LINGO2: variants seen among roughly 807,000 people sequenced by gnomAD.
LINGO2 encodes leucine rich repeat and Ig domain containing 2.
In LINGO2, 14 loss-of-function variants were observed where a neutral mutation model predicts 30.6. The observed-to-expected ratio is 0.46, with a 90% CI of 0.30 to 0.72. The LOEUF is 0.72. LINGO2 is among the 30% of genes least tolerant of loss of function. The pLI, the probability that LINGO2 is intolerant of heterozygous loss-of-function variation, is 0.07. For synonymous variants in LINGO2, 317 were observed against 288.5 expected, an observed-to-expected ratio of 1.10 and a Z score of -1.00; for missense variants, 729 against 751.7, an observed-to-expected ratio of 0.97 and a Z score of 0.35.
chr9:28,803,555 T>C, the LINGO2 span, among the ~76,000 whole-genome samples: 1 of 151,880 alleles, frequency 6.6e-6, no homozygotes, highest in South Asian at 2.1e-4. Flanking sequence ...AACAAAAGCA[T>C]ACTATCAACT....
Position 28,147,456 on chromosome 9 carries a change from T to C in LINGO2, c.-86-135051A>G, listed in dbSNP as rs1465885981. On this transcript the variant is annotated intron_variant, in intron 4 of 5. Transcript: ENST00000379992. This position sits in a 1 kb window ranked among gnomAD's most constrained non-coding sequence, Gnocchi z 4.7. ...CCTGTGGAGCGAGGCTGGTGGCCCT[T>C]GAGGCCACGGCAGCCATGGAGAAGG... is the stretch of plus-strand genomic sequence containing the variant. 6.6e-6 allele frequency among the ~76,000 whole-genome samples: 1 copy of C among 152,192 alleles called. No individual in the cohort carries two copies. The highest frequency in any genetic ancestry group is 1.9e-4 in the East Asian group (1 of 5,180).
intron 2 of LINGO2, among the ~76,000 whole-genome samples, chr9:28,411,129 A>T (rs1322498684): frequency 6.7e-6 from 1 of 149,534 alleles, no homozygotes; most frequent in Non-Finnish European, 1.5e-5. Context: ...AGGTATTAGG[A>T]GAGCCTTCTA....
chr9:28,362,001 A>G (rs1414372011), intron 3 of LINGO2, among the ~76,000 whole-genome samples: 2 of 152,200 alleles, frequency 1.3e-5, no homozygotes, highest in African/African-American at 2.4e-5. Flanking sequence ...TTGTTTCTCC[A>G]AAGGTGGTAG....
At chr9:28,341,050 G>C (rs1825749644) in intron 3 of LINGO2, among the ~76,000 whole-genome samples, 1 of 151,990 alleles carries the variant, frequency 6.6e-6, no homozygotes, top group African/African-American at 2.4e-5. Flanking sequence ...GGCAAGCAAG[G>C]ACTAGTTTTT....
chr9:27,966,746 G>GA (rs145756881), intron 5 of LINGO2, among the ~76,000 whole-genome samples: 1 of 151,714 alleles, frequency 6.6e-6, no homozygotes, highest in African/African-American at 2.4e-5. Flanking sequence ...ATTAAAAAAA[G>GA]AAAAAAAATA....
At chr9:28,762,463 G>C in the LINGO2 span, among the ~76,000 whole-genome samples, 1 of 151,990 alleles carries the variant, frequency 6.6e-6, no homozygotes, top group Non-Finnish European at 1.5e-5. Context: ...TTTAGTTTGT[G>C]TTTTAACTTT....
the LINGO2 span, among the ~76,000 whole-genome samples, chr9:28,935,706 A>AG: frequency 6.6e-6 from 1 of 151,298 alleles, no homozygotes; most frequent in Non-Finnish European, 1.5e-5. Flanking sequence ...TCTTTTTTTA[A>AG]AAAAACAAAT....
At chr9:28,926,268 C>A in the LINGO2 span, among the ~76,000 whole-genome samples, 1 of 151,968 alleles carries the variant, frequency 6.6e-6, no homozygotes, top group Non-Finnish European at 1.5e-5. Context: ...GAGCCGAGAT[C>A]GTGCCACTGC....
At chr9:28,216,883 G>A (rs1462402005) in intron 4 of LINGO2, among the ~76,000 whole-genome samples, 1 of 151,694 alleles carries the variant, frequency 6.6e-6, no homozygotes, top group African/African-American at 2.4e-5. Context: ...AAGATATCGG[G>A]TGATATTCAG....
In LINGO2 at chr9:28,104,261, T is replaced by C. The variant is rs893901045; in HGVS notation, c.-86-91856A>G. Among the ~76,000 whole-genome samples the C allele has an allele frequency of 2.3e-4, 29 of 123,828 alleles. 1 individual carries two copies. The highest frequency in any genetic ancestry group is 6.7e-5 in the Non-Finnish European group (4 of 59,910). The allele number at this position is 123,828 out of a possible 152,430, so 81.2% of individuals were successfully genotyped here. A position where few individuals can be genotyped will look rare whatever the true frequency, so the allele number is the denominator to read the frequency against. ...TTGCTTTTCCCCAGTACAAGTTTTT[T>C]GTTTGTTTTTTTTTTTTTTTTTTTT... On this transcript the variant is annotated intron_variant, in intron 4 of 5. Transcript: ENST00000379992.
At chr9:28,989,619 G>A in the LINGO2 span, among the ~76,000 whole-genome samples, 12 of 152,164 alleles carry the variant, frequency 7.9e-5, no homozygotes, top group African/African-American at 1.7e-4. Flanking sequence ...ACCTGTACAC[G>A]TAATTGTTAT....
In LINGO2 at chr9:28,563,657, GTGCTTTCTC is replaced by G. The variant is rs369088856; in HGVS notation, c.-364-87641_-364-87633del. Among the ~76,000 whole-genome samples, 699 of 152,234 alleles carry G rather than the reference GTGCTTTCTC, an allele frequency of 4.6e-3. 5 individuals are homozygous for G. Among genetic ancestry groups the G allele is most frequent in the African/African-American group, 0.015 (633 of 41,558 alleles). ...TCCTTGTGTTTTTCTTAATTGATGA[GTGCTTTCTC>G]TGTTGAAACTCTTAAGATCGCTCAG... On this transcript the variant is annotated intron_variant, in intron 1 of 5. Coordinates refer to ENST00000379992, the Ensembl canonical transcript of LINGO2.
At chr9:29,038,497 A>C in the LINGO2 span, among the ~76,000 whole-genome samples, 3 of 151,966 alleles carry the variant, frequency 2.0e-5, no homozygotes, top group South Asian at 6.2e-4. Flanking sequence ...TGTGTTTCTC[A>C]CCTTTTTTCC....
chr9:28,518,971 A>G (rs116168663), intron 1 of LINGO2, among the ~76,000 whole-genome samples: 1 of 152,172 alleles, frequency 6.6e-6, no homozygotes, highest in African/African-American at 2.4e-5. Flanking sequence ...TCCTATAAAT[A>G]CTTGCCTTTT....
chr9:28,149,154 C>T, intron 4 of LINGO2: 1 of 1,432,204 alleles, frequency 7.0e-7, no homozygotes, highest in Non-Finnish European at 9.5e-7. Context: ...TTAAGTAGAA[C>T]ATCAAAATTC....
chr9:29,136,093 A>C, the LINGO2 span, among the ~76,000 whole-genome samples: 1 of 152,110 alleles, frequency 6.6e-6, no homozygotes, highest in Non-Finnish European at 1.5e-5. Context: ...TCCTTTCCCC[A>C]TTCTGGCTGA....
intron 1 of LINGO2, among the ~76,000 whole-genome samples, chr9:28,524,928 G>A (rs944916455): frequency 2.0e-5 from 3 of 151,974 alleles, no homozygotes; most frequent in Non-Finnish European, 4.4e-5. Flanking sequence ...ATAAGCACAT[G>A]AAAATATACT....
At chr9:28,600,957 A>T (rs138755067) in intron 1 of LINGO2, among the ~76,000 whole-genome samples, 1 of 152,182 alleles carries the variant, frequency 6.6e-6, no homozygotes, top group Non-Finnish European at 1.5e-5. Context: ...AGAGAAAAAA[A>T]TTGAGAACAA....
At chr9:28,501,501 C>T (rs759382866) in intron 1 of LINGO2, among the ~76,000 whole-genome samples, 75 of 152,056 alleles carry the variant, frequency 4.9e-4, no homozygotes, top group Non-Finnish European at 8.4e-4. Context: ...GGAAGCACTG[C>T]AAGTAAAAAT....
Sources: gnomAD v4.1 joint callset for allele counts (sites outside exome capture counted in the v4.1 genomes callset) on GRCh38, gnomAD v4.1.1 for gene constraint, Gnocchi (gnomAD v3.1) non-coding constraint, MANE v1.5 for transcripts, NCBI Gene and HGNC (gene_info 2026-07-23, HGNC 2026-07-21) for gene names.